P2RY2: variants seen among roughly 807,000 people sequenced by gnomAD.
P2RY2 encodes the protein purinergic receptor P2Y2, also known as P2Y purinoceptor 2.
For synonymous variants in P2RY2, 241 were observed against 231.9 expected, an observed-to-expected ratio of 1.04 and a Z score of -0.35; for missense variants, 567 against 515.7, an observed-to-expected ratio of 1.10 and a Z score of -0.96.
rs1342168217 is a variant in P2RY2 at position 73,236,817 on chromosome 11, A to G, written c.*1524A>G. On this transcript the variant is annotated 3_prime_UTR_variant, in exon 3 of 3. Coordinates refer to ENST00000393597, the MANE Select transcript of P2RY2 (RefSeq NM_002564.4). ...ACTTAGTATGGGGGAGATGGGTCTC[A>G]CCTATGATAGGTTCTGAGTCTAGCC... is the stretch of plus-strand genomic sequence containing the variant. The G allele has an allele frequency of 1.0e-6, 1 of 985,266 alleles. No individual in the cohort carries two copies. Among genetic ancestry groups the G allele is most frequent in the Non-Finnish European group, 1.2e-6 (1 of 829,922 alleles). The allele number at this position is 985,266 out of a possible 1,614,324, so 61.0% of individuals were successfully genotyped here.
intron 1 of P2RY2, among the ~76,000 whole-genome samples, chr11:73,224,235 G>T (rs929678582): frequency 6.6e-6 from 1 of 152,182 alleles, no homozygotes; most frequent in Admixed American, 6.5e-5. Flanking sequence ...AGGAGCCAGC[G>T]TGACTTCTAA....
rs1330923322 is a variant in P2RY2, at chr11:73,240,715, C to T, written c.*5422C>T. The T allele has an allele frequency of 2.6e-5, 4 of 152,350 alleles. No homozygotes were observed. The highest frequency in any genetic ancestry group is 7.2e-5 in the African/African-American group (3 of 41,578). The allele number at this position is 152,350 out of a possible 1,614,324, so 9.4% of individuals were successfully genotyped here. A position where few individuals can be genotyped will look rare whatever the true frequency, so the allele number is the denominator to read the frequency against. ...CTTCATTAGCTCCAGTCTGTGGCTC[C>T]TGGACTGGAGCTACAGTGGTGAGAG... is the stretch of plus-strand genomic sequence containing the variant. On this transcript the variant is annotated 3_prime_UTR_variant, in exon 3 of 3. Coordinates refer to ENST00000393597, the MANE Select transcript of P2RY2 (RefSeq NM_002564.4).
In P2RY2 at chr11:73,218,856, C is replaced by T. The variant is rs74381052; in HGVS notation, c.-200+424C>T. 5.3e-5 allele frequency among the ~76,000 whole-genome samples: 8 copies of T among 152,248 alleles called. No individual in the cohort carries two copies. The East Asian group carries it at 1.5e-3, about 29-fold the overall frequency. On this transcript the variant is annotated intron_variant, in intron 1 of 2. Coordinates refer to ENST00000393597, the MANE Select transcript of P2RY2 (RefSeq NM_002564.4). The stretch of plus-strand genomic sequence containing the variant: ...CAGAGACGCGAACCCCTGGAGACCC[C>T]CTACCACTGTCCTAACCCCAGGGTC...
chr11:73,223,590 C>T (rs1042621990), intron 1 of P2RY2, among the ~76,000 whole-genome samples: 17 of 152,170 alleles, frequency 1.1e-4, no homozygotes, highest in African/African-American at 4.1e-4. Flanking sequence ...CTGAAGAACC[C>T]GAGGCTCTGA....
rs1862672824 is a variant in P2RY2 at position 73,237,115 on chromosome 11, C to A, written c.*1822C>A. ...CACAGCGCCCTCATGTGACAGAGAC[C>A]CATCACAGACCATGACCCAAATGAT... On this transcript the variant is annotated 3_prime_UTR_variant, in exon 3 of 3. Coordinates refer to ENST00000393597, the MANE Select transcript of P2RY2 (RefSeq NM_002564.4). 1 of 985,252 alleles carries A rather than the reference C, an allele frequency of 1.0e-6. No homozygotes were observed. The highest frequency in any genetic ancestry group is 1.7e-5 in the African/African-American group (1 of 57,212). 61.0% of individuals were successfully genotyped at this position (985,252 alleles called of 1,614,324 possible). A position where few individuals can be genotyped will look rare whatever the true frequency, so the allele number is the denominator to read the frequency against.
At position 73,240,997 on chromosome 11, in the gene P2RY2, G is replaced by C. The variant is rs1391949401; in HGVS notation, c.*5704G>C. ...TATTAGAAGGTGGGGCCTTTGGGAA[G>C]TAACCAGGTCCTAAGGGTGCAGCCC... On this transcript the variant is annotated 3_prime_UTR_variant, in exon 3 of 3. Transcript: ENST00000393597. The C allele has an allele frequency of 6.6e-6, 1 of 152,262 alleles. No individual in the cohort carries two copies. The highest frequency in any genetic ancestry group is 6.5e-5 in the Admixed American group (1 of 15,290). 9.4% of individuals were successfully genotyped at this position (152,262 alleles called of 1,614,324 possible).
chr11:73,235,969 A>C lies in P2RY2; in HGVS notation c.*676A>C. On this transcript the variant is annotated 3_prime_UTR_variant, in exon 3 of 3. Transcript: ENST00000393597. ...TATTGTGTGGTCGGGGGATGAGGATATGGCAGGGAAGCTTTCACCAGCCAC... is the reference window on the plus strand; with the variant it reads ...TATTGTGTGGTCGGGGGATGAGGATCTGGCAGGGAAGCTTTCACCAGCCAC... 6 of 1,000,302 alleles carry C rather than the reference A, an allele frequency of 6.0e-6. No individual in the cohort carries two copies. Among genetic ancestry groups the C allele is most frequent in the Non-Finnish European group, 7.2e-6 (6 of 830,026 alleles). The allele number at this position is 1,000,302 out of a possible 1,614,324, so 62.0% of individuals were successfully genotyped here.
At chr11:73,232,166 C>A (rs1028661165) in intron 2 of P2RY2, among the ~76,000 whole-genome samples, 6 of 152,194 alleles carry the variant, frequency 3.9e-5, no homozygotes, top group African/African-American at 1.4e-4. Flanking sequence ...CCCAGACACA[C>A]CCCCACACAG....
intron 1 of P2RY2, among the ~76,000 whole-genome samples, chr11:73,222,475 C>G (rs1862148436): frequency 6.6e-6 from 1 of 152,162 alleles, no homozygotes; most frequent in Admixed American, 6.5e-5. Context: ...CCCTCTTAAG[C>G]CTTCCATGGC....
intron 1 of P2RY2, among the ~76,000 whole-genome samples, chr11:73,223,623 G>A (rs2135631335): frequency 6.6e-6 from 1 of 152,346 alleles, no homozygotes; most frequent in East Asian, 1.9e-4. Context: ...ACTTCACCAA[G>A]ACTGCACAGC....
In P2RY2 at chr11:73,238,692, A is replaced by G. The variant is rs1400778578; in HGVS notation, c.*3399A>G. Among the ~76,000 whole-genome samples the G allele has an allele frequency of 6.6e-6, 1 of 152,182 alleles. No individual in the cohort carries two copies. Among genetic ancestry groups the G allele is most frequent in the Non-Finnish European group, 1.5e-5 (1 of 68,028 alleles). On this transcript the variant is annotated 3_prime_UTR_variant, in exon 3 of 3. Coordinates refer to ENST00000393597, the MANE Select transcript of P2RY2 (RefSeq NM_002564.4). Reference sequence around the variant, plus strand: ...GATCCTATTTAGCAGATGAGGAAACAGGAGAAGGGCGTGAGAAGTGAGGAC... The same window carrying G: ...GATCCTATTTAGCAGATGAGGAAACGGGAGAAGGGCGTGAGAAGTGAGGAC...
rs1418154136 is a variant in P2RY2, at chr11:73,240,049, G to C, written c.*4756G>C. ...TCTGCCCTGATGCACTGTGCAACTT[G>C]GGGGAGTCACTGTCCCTCTCTGGGC... On this transcript the variant is annotated 3_prime_UTR_variant, in exon 3 of 3. Coordinates refer to ENST00000393597, the MANE Select transcript of P2RY2 (RefSeq NM_002564.4). The C allele has an allele frequency of 1.3e-5, 2 of 152,318 alleles. No individual in the cohort carries two copies. The highest frequency in any genetic ancestry group is 4.8e-5 in the African/African-American group (2 of 41,434). The allele number at this position is 152,318 out of a possible 1,614,324, so 9.4% of individuals were successfully genotyped here.
intron 1 of P2RY2, among the ~76,000 whole-genome samples, chr11:73,226,748 G>A (rs1336935161): frequency 6.6e-6 from 1 of 152,140 alleles, no homozygotes; most frequent in Non-Finnish European, 1.5e-5. Flanking sequence ...CCTCCACCAG[G>A]CAACTGTCCC....
intron 1 of P2RY2, among the ~76,000 whole-genome samples, chr11:73,222,415 C>T (rs926878672): frequency 6.6e-6 from 1 of 152,150 alleles, no homozygotes; most frequent in South Asian, 2.1e-4. Flanking sequence ...GTCCCATCTA[C>T]CTTCCATGTG....
chr11:73,222,646 C>A (rs1218819299), intron 1 of P2RY2, among the ~76,000 whole-genome samples: 1 of 152,140 alleles, frequency 6.6e-6, no homozygotes, highest in African/African-American at 2.4e-5. Flanking sequence ...TTTCATCCAC[C>A]AAGTCTTTGC....
intron 1 of P2RY2, among the ~76,000 whole-genome samples, chr11:73,222,377 C>T (rs910150415): frequency 1.4e-4 from 22 of 151,992 alleles, no homozygotes; most frequent in African/African-American, 5.1e-4. Flanking sequence ...GTCGTCTCCT[C>T]CTTGGTCTCC....
At chr11:73,220,287 G>T (rs1165166942) in intron 1 of P2RY2, among the ~76,000 whole-genome samples, 1 of 152,216 alleles carries the variant, frequency 6.6e-6, no homozygotes, top group Non-Finnish European at 1.5e-5. Context: ...TATCCTGAAG[G>T]CAATAGGGAG....
Position 73,236,001 on chromosome 11 carries a change from G to T in P2RY2, c.*708G>T, listed in dbSNP as rs540908124. ...GGAAGCTTTCACCAGCCACACAAGGGTCCTTTCTCCAATCCGTTCCCTTCT... is the reference window on the plus strand; with the variant it reads ...GGAAGCTTTCACCAGCCACACAAGGTTCCTTTCTCCAATCCGTTCCCTTCT... On this transcript the variant is annotated 3_prime_UTR_variant, in exon 3 of 3. Coordinates refer to ENST00000393597, the MANE Select transcript of P2RY2 (RefSeq NM_002564.4). 2 of 1,000,362 alleles carry T rather than the reference G, an allele frequency of 2.0e-6. No individual in the cohort carries two copies. Among genetic ancestry groups the T allele is most frequent in the South Asian group, 4.7e-5 (1 of 21,290 alleles). The allele number at this position is 1,000,362 out of a possible 1,614,324, so 62.0% of individuals were successfully genotyped here.
Position 73,227,979 on chromosome 11 carries a change from A to C in P2RY2, c.-199-2A>C, listed in dbSNP as rs1285947988. 1 of 152,208 alleles carries C rather than the reference A, an allele frequency of 6.6e-6. No homozygotes were observed. Among genetic ancestry groups the C allele is most frequent in the East Asian group, 1.9e-4 (1 of 5,182 alleles). The allele number at this position is 152,208 out of a possible 1,614,324, so 9.4% of individuals were successfully genotyped here. A position where few individuals can be genotyped will look rare whatever the true frequency, so the allele number is the denominator to read the frequency against. On this transcript the variant is annotated splice_acceptor_variant, in intron 1 of 2. Transcript: ENST00000393597. LOFTEE classifies it low-confidence loss of function (5UTR_SPLICE). Reference sequence around the variant, plus strand: ...ACTTTCTCTACCTCCCTCTGTCTGCAGGAGCCCCTTGTGGCAGCAGCACTA... The same window carrying C: ...ACTTTCTCTACCTCCCTCTGTCTGCCGGAGCCCCTTGTGGCAGCAGCACTA...
Sources: gnomAD v4.1 joint callset for allele counts (sites outside exome capture counted in the v4.1 genomes callset) on GRCh38, gnomAD v4.1.1 for gene constraint, MANE v1.5 for transcripts, NCBI Gene and HGNC (gene_info 2026-07-23, HGNC 2026-07-21) for gene names.